TMEM143: variants seen among roughly 807,000 people sequenced by gnomAD.
TMEM143 encodes transmembrane protein 143.
Under a neutral mutation model 40.3 loss-of-function variants are expected in TMEM143, and 45 were observed. That is an observed-to-expected ratio of 1.12 (90% CI 0.88 to 1.43). The LOEUF (loss-of-function observed/expected upper bound fraction) is 1.43, where lower values mean the gene tolerates loss of function less well. TMEM143 is among the 40% of genes most tolerant of loss of function. The pLI is 0.00. For synonymous variants in TMEM143, 299 were observed against 282.7 expected (o/e 1.06, Z -0.58); for missense variants, 620 against 613.4 (o/e 1.01, Z -0.11).
chr19:48,363,938 T>TGCA lies in TMEM143; in HGVS notation c.-19_-18insTGC, dbSNP rs71334290. ...ACTGTCATTGAGCCTCCTGCGCATG[T>TGCA]GCAGGAGGGCGTCCTGGGCTCCCGA... On this transcript the variant is annotated 5_prime_UTR_variant, in exon 1 of 8. Coordinates refer to ENST00000293261, the MANE Select transcript of TMEM143 (RefSeq NM_018273.4). 0.016 allele frequency: 26,169 copies of TGCA among 1,611,726 alleles called. 303 individuals carry two copies. Among genetic ancestry groups the TGCA allele is most frequent in the Middle Eastern group, 0.086 (522 of 6,042 alleles).
intron 3 of TMEM143, among the ~76,000 whole-genome samples, chr19:48,355,103 A>T (rs1404138909): frequency 1.3e-5 from 2 of 150,398 alleles, no homozygotes; most frequent in African/African-American, 4.9e-5. Flanking sequence ...TGCAACCTCC[A>T]CCTCCCGGGT....
chr19:48,352,153 A>G (rs1458105589), intron 3 of TMEM143, among the ~76,000 whole-genome samples: 2 of 143,520 alleles, frequency 1.4e-5, no homozygotes, highest in Non-Finnish European at 3.0e-5. Context: ...AGGCTGAGGC[A>G]GGAGAATGGT....
intron 2 of TMEM143, among the ~76,000 whole-genome samples, chr19:48,361,439 A>G (rs965321146): frequency 1.3e-5 from 2 of 151,904 alleles, no homozygotes; most frequent in African/African-American, 4.8e-5. Flanking sequence ...GCTGGTCTCA[A>G]ACTCATGACC....
rs1281266768 is a variant in TMEM143, at chr19:48,333,578, C to G, written c.1166-145G>C. The G allele has an allele frequency of 5.3e-6, 3 of 563,430 alleles. No individual in the cohort carries two copies. The highest frequency in any genetic ancestry group is 2.9e-5 in the East Asian group (1 of 34,008). 34.9% of individuals were successfully genotyped at this position (563,430 alleles called of 1,614,324 possible). A position where few individuals can be genotyped will look rare whatever the true frequency, so the allele number is the denominator to read the frequency against. On this transcript the variant is annotated intron_variant, in intron 7 of 7. Coordinates refer to ENST00000293261, the MANE Select transcript of TMEM143 (RefSeq NM_018273.4). This position sits in a 1 kb window ranked among gnomAD's most constrained non-coding sequence, Gnocchi z 4.1. ...AGTGATCTTGAGGCTTGGAGGGGAG[C>G]GGAACAAGGCCCAGGAGGGTCGAGA...
At position 48,345,275 on chromosome 19, in the gene TMEM143, T is replaced by C. The variant is rs754661855; in HGVS notation, c.449A>G (p.Glu150Gly). 1 of 1,611,356 alleles carries C rather than the reference T, an allele frequency of 6.2e-7. No individual in the cohort carries two copies. Among genetic ancestry groups the C allele is most frequent in the Admixed American group, 1.7e-5 (1 of 59,450 alleles). ...CTCCAGAGCCCGAAGCACCTCCTGCTCATTAGACAGACGCTGGGGATCCGT... is the reference window on the plus strand; with the variant it reads ...CTCCAGAGCCCGAAGCACCTCCTGCCCATTAGACAGACGCTGGGGATCCGT... ...SLTDPQRLSNEQEVLRALEPL... is the reference protein window; with the variant it reads ...SLTDPQRLSNGQEVLRALEPL... The change falls in exon 4 of 8, where the codon GAG becomes GGG. Residue 150 changes from glutamate (E) to glycine (G), a missense_variant. By Grantham distance (98) the Glu-to-Gly change is moderately conservative. Transcript: ENST00000293261.
At position 48,332,581 on chromosome 19, in the gene TMEM143, G is replaced by A. The variant is rs1969236613; in HGVS notation, c.*638C>T. On this transcript the variant is annotated 3_prime_UTR_variant, in exon 8 of 8. Transcript: ENST00000293261. ...TTCTGGTTCACCTACCTAGCACAAG[G>A]TCTCCAACTCCTTCAGCCTAGACAC... 1 of 152,184 alleles carries A rather than the reference G, an allele frequency of 6.6e-6. No homozygotes were observed. Among genetic ancestry groups the A allele is most frequent in the African/African-American group, 2.4e-5 (1 of 41,444 alleles). The allele number at this position is 152,184 out of a possible 1,614,324, so 9.4% of individuals were successfully genotyped here.
intron 6 of TMEM143, 65 bp from the exon 7 acceptor site, chr19:48,334,262 G>A (rs1343555401): frequency 6.7e-7 from 1 of 1,487,862 alleles, no homozygotes; most frequent in Non-Finnish European, 9.0e-7. Flanking sequence ...CACAGCCCCC[G>A]GGGTCACCCC....
chr19:48,340,021 A>T (rs1969454421), intron 6 of TMEM143, among the ~76,000 whole-genome samples: 1 of 148,180 alleles, frequency 6.7e-6, no homozygotes, highest in Non-Finnish European at 1.5e-5. Flanking sequence ...GAGCCACTGC[A>T]CCCAGCCAAG....
intron 3 of TMEM143, among the ~76,000 whole-genome samples, chr19:48,352,261 A>AAAAAAAAAAAAAAAAAAAAAAAAAAC (rs930196732): frequency 6.9e-6 from 1 of 143,914 alleles, no homozygotes; most frequent in African/African-American, 2.8e-5. Flanking sequence ...AAAAAAAAAA[A>AAAAAAAAAAAAAAAAAAAAAAAAAAC]ACACCATATC....
intron 3 of TMEM143, among the ~76,000 whole-genome samples, chr19:48,357,515 G>A (rs947644910): frequency 4.0e-5 from 6 of 151,676 alleles, no homozygotes; most frequent in African/African-American, 1.2e-4. Flanking sequence ...CACCACGCCC[G>A]GCTAATTTTT....
chr19:48,355,198 C>T (rs394025), intron 3 of TMEM143, among the ~76,000 whole-genome samples: 113,475 of 151,648 alleles, frequency 0.75, 42,653 homozygotes, highest in Admixed American at 0.84. Flanking sequence ...CCACAACCGA[C>T]TGATATTTAT....
chr19:48,354,661 A>C (rs1969847496), intron 3 of TMEM143, among the ~76,000 whole-genome samples: 1 of 152,150 alleles, frequency 6.6e-6, no homozygotes, highest in Non-Finnish European at 1.5e-5. Context: ...CCAGAGCCTC[A>C]AGCCATTCCA....
At chr19:48,342,156 G>C (rs891026589) in intron 6 of TMEM143, among the ~76,000 whole-genome samples, 6 of 113,990 alleles carry the variant, frequency 5.3e-5, no homozygotes, top group African/African-American at 2.0e-4. Context: ...GGAAGGAAGG[G>C]AGGGAGGGAG....
chr19:48,359,651 C>T (rs867727613), intron 3 of TMEM143, among the ~76,000 whole-genome samples: 11 of 151,432 alleles, frequency 7.3e-5, no homozygotes, highest in African/African-American at 2.7e-4. Context: ...GAACTACAGT[C>T]GCCCCCCACC....
Position 48,342,791 on chromosome 19 carries a change from C to T in TMEM143, c.714G>A (p.Val238=), listed in dbSNP as rs747613781. The part of the protein sequence containing the change: ...PPAERRYFKR[V]VLAARTKRGH... Reference sequence around the variant, plus strand: ...CCCGTTTGGTCCGGGCTGCCAGGACCACCCGCTTAAAGTATCTCCTGAGGG... The same window carrying T: ...CCCGTTTGGTCCGGGCTGCCAGGACTACCCGCTTAAAGTATCTCCTGAGGG... Residue 238 remains valine, a synonymous_variant, in exon 6 of 8, where the codon GTG becomes GTA. Coordinates refer to ENST00000293261, the MANE Select transcript of TMEM143 (RefSeq NM_018273.4). 1.9e-6 allele frequency: 3 copies of T among 1,606,302 alleles called. No individual in the cohort carries two copies. Among genetic ancestry groups the T allele is most frequent in the Non-Finnish European group, 2.6e-6 (3 of 1,173,940 alleles).
chr19:48,350,963 C>A (rs1373391804), intron 3 of TMEM143, among the ~76,000 whole-genome samples: 7 of 144,192 alleles, frequency 4.9e-5, no homozygotes, highest in African/African-American at 1.5e-4. Context: ...TTAATTGGGT[C>A]TTTGTGGCAA....
At chr19:48,362,050 ATATTTGTGTGTGCGTG>A (rs1288023489) in intron 2 of TMEM143, among the ~76,000 whole-genome samples, 1 of 149,824 alleles carries the variant, frequency 6.7e-6, no homozygotes, top group Admixed American at 6.6e-5. Context: ...TTGTGTGCAT[ATATTTGTGTGTGCGTG>A]TATTTGTGTG....
intron 3 of TMEM143, among the ~76,000 whole-genome samples, chr19:48,345,935 C>T (rs547362511): frequency 6.6e-6 from 1 of 151,038 alleles, no homozygotes; most frequent in Non-Finnish European, 1.5e-5. Flanking sequence ...CAGATGCACG[C>T]CACCATGCCC....
intron 5 of TMEM143, 103 bp downstream of exon 5, chr19:48,343,218 C>G (rs1001283478): frequency 7.0e-7 from 1 of 1,432,212 alleles, no homozygotes; most frequent in African/African-American, 1.4e-5. Flanking sequence ...CTCAACTTCC[C>G]GCCTGGGGCC....
Sources: allele counts gnomAD v4.1 joint callset (sites outside exome capture counted in the v4.1 genomes callset), GRCh38; gene constraint gnomAD v4.1.1; non-coding constraint Gnocchi (gnomAD v3.1); transcripts MANE v1.5; gene names NCBI Gene and HGNC (gene_info 2026-07-23, HGNC 2026-07-21).